Variants in PRKAR1A observed in about 807,000 individuals in gnomAD.
The protein encoded by PRKAR1A is cAMP-dependent protein kinase type I-alpha regulatory subunit.
PRKAR1A carries 3 observed loss-of-function variants against 52.0 expected under a neutral mutation model. That is an observed-to-expected ratio of 0.06 (90% CI 0.03 to 0.15). PRKAR1A has a LOEUF of 0.15. Ranked by LOEUF, PRKAR1A falls within the 10% of genes least tolerant of loss-of-function variation. The pLI, the probability that PRKAR1A is intolerant of heterozygous loss-of-function variation, is 1.00. For synonymous variants in PRKAR1A, 188 were observed against 168.4 expected (o/e 1.12, Z -0.90); for missense variants, 240 against 477.4 (o/e 0.50, Z 4.63).
the PRKAR1A span, among the ~76,000 whole-genome samples, chr17:68,418,262 T>A: frequency 6.6e-6 from 1 of 152,224 alleles, no homozygotes; most frequent in Non-Finnish European, 1.5e-5. Context: ...CTTGAACTTA[T>A]AAAGCCTTAG....
rs1448502169 is a variant in PRKAR1A at position 68,523,832 on chromosome 17, T to C, written c.440+16T>C. On this transcript the variant is annotated intron_variant, in intron 4 of 10. Coordinates refer to ENST00000589228, the MANE Select transcript of PRKAR1A (RefSeq NM_002734.5). ...ATGAGAGAAGGTAGGAACAGGCTCT[T>C]TCTTAACACTATTTTTCAAGTAAGG... The C allele has an allele frequency of 8.7e-6, 14 of 1,609,796 alleles. No individual in the cohort carries two copies. The highest frequency in any genetic ancestry group is 2.2e-5 in the South Asian group (2 of 90,952).
At chr17:68,477,982 C>G in the PRKAR1A span, among the ~76,000 whole-genome samples, 2 of 152,182 alleles carry the variant, frequency 1.3e-5, no homozygotes, top group African/African-American at 4.8e-5. Context: ...CTCAGCCTCC[C>G]AAAGTGCTGG....
At chr17:68,417,515 A>G in the PRKAR1A span, among the ~76,000 whole-genome samples, 32 of 151,944 alleles carry the variant, frequency 2.1e-4, no homozygotes, top group Admixed American at 1.8e-3. Flanking sequence ...GGAGTTTTTC[A>G]TCTCTCAGAC....
intron 6 of PRKAR1A, 146 bp downstream of exon 6, chr17:68,525,104 A>G: frequency 1.4e-6 from 1 of 689,692 alleles, no homozygotes; most frequent in South Asian, 1.8e-5. Context: ...TATTTTTATG[A>G]CACAGAGAAA....
chr17:68,546,755 G>A (rs564335219), intron 11 of PRKAR1A, among the ~76,000 whole-genome samples: 13 of 151,542 alleles, frequency 8.6e-5, no homozygotes, highest in Non-Finnish European at 1.9e-4. Flanking sequence ...GCGTGAACCC[G>A]GGAGGTGGAG....
chr17:68,509,992 G>C (rs2085241711), upstream of PRKAR1A, among the ~76,000 whole-genome samples: 1 of 152,180 alleles, frequency 6.6e-6, no homozygotes, highest in African/African-American at 2.4e-5. Context: ...CTTATTCTTA[G>C]TGTCTTAACT....
the PRKAR1A span, among the ~76,000 whole-genome samples, chr17:68,486,469 CTCTCCT>C: frequency 0.015 from 1,542 of 101,976 alleles, 53 homozygotes; most frequent in South Asian, 0.029. Flanking sequence ...TTCTTTCTTT[CTCTCCT>C]TCCTTCCTTC....
At chr17:68,450,521 G>A in the PRKAR1A span, among the ~76,000 whole-genome samples, 8 of 152,240 alleles carry the variant, frequency 5.3e-5, no homozygotes, top group African/African-American at 9.6e-5. Flanking sequence ...CTGGAAACAT[G>A]AGCCAGAGGT....
chr17:68,505,922 G>A, the PRKAR1A span, among the ~76,000 whole-genome samples: 2 of 152,184 alleles, frequency 1.3e-5, no homozygotes, highest in African/African-American at 4.8e-5. Context: ...GGGTTGATGA[G>A]GTGGTATCTG....
At chr17:68,506,832 C>T (rs1292464416), upstream of PRKAR1A, among the ~76,000 whole-genome samples, 2 of 152,114 alleles carry the variant, frequency 1.3e-5, no homozygotes, top group Admixed American at 6.6e-5. Flanking sequence ...TCTCTGCATG[C>T]CTGTTACCTA....
chr17:68,549,436 G>A (rs915465801), intron 11 of PRKAR1A, among the ~76,000 whole-genome samples: 1 of 151,694 alleles, frequency 6.6e-6, no homozygotes. Flanking sequence ...CGAGGTTGCA[G>A]TGAGCCGAGA....
At chr17:68,428,737 G>A in the PRKAR1A span, 3 of 968,172 alleles carry the variant, frequency 3.1e-6, no homozygotes, top group East Asian at 7.6e-5. Flanking sequence ...ACAAATCAAT[G>A]CAAGGGCACT....
chr17:68,426,168 A>C, the PRKAR1A span: 3 of 1,606,636 alleles, frequency 1.9e-6, no homozygotes, highest in Non-Finnish European at 2.6e-6. Context: ...CGCCGTCCTC[A>C]GAATAACCTG....
In PRKAR1A at chr17:68,524,052, C is replaced by G. The variant is rs372389205; in HGVS notation, c.477C>G (p.Ile159Met). 6.2e-7 allele frequency: 1 copy of G among 1,614,008 alleles called. No homozygotes were observed. The highest frequency in any genetic ancestry group is 2.2e-5 in the East Asian group (1 of 44,876). ...ATGCCATGTTTTCGGTCTCCTTTATCGCAGGAGAGACTGTGATTCAGCAAG... is the reference window on the plus strand; with the variant it reads ...ATGCCATGTTTTCGGTCTCCTTTATGGCAGGAGAGACTGTGATTCAGCAAG... ...IFDAMFSVSF[I>M]AGETVIQQGD... Residue 159 changes from isoleucine (I) to methionine (M), a missense_variant, in exon 5 of 11, where the codon ATC becomes ATG. Transcript: ENST00000589228.
In PRKAR1A at chr17:68,539,933, G is replaced by A. The variant is rs754613645; in HGVS notation, c.973+9932G>A. 9.9e-6 allele frequency: 16 copies of A among 1,614,212 alleles called. 1 individual carries two copies. The South Asian group carries it at 1.8e-4, about 18-fold the overall frequency. On this transcript the variant is annotated intron_variant, in intron 11 of 11. Coordinates refer to the PRKAR1A transcript ENST00000585981. ...AAGGAACCCATCATCCCCGAACTTG[G>A]TGAACATCTCATAATGGTGCCGGTC...
At chr17:68,420,208 T>C in the PRKAR1A span, 3 of 1,614,100 alleles carry the variant, frequency 1.9e-6, no homozygotes, top group Non-Finnish European at 2.5e-6. Context: ...GGGCGTGTGA[T>C]GGGAGCACGG....
chr17:68,464,640 C>T, the PRKAR1A span, among the ~76,000 whole-genome samples: 3 of 151,278 alleles, frequency 2.0e-5, no homozygotes, highest in Non-Finnish European at 2.9e-5. Context: ...GAGATCGTGC[C>T]GCCGCACACT....
the PRKAR1A span, among the ~76,000 whole-genome samples, chr17:68,486,541 CT>C: frequency 8.3e-6 from 1 of 120,630 alleles, no homozygotes; most frequent in Non-Finnish European, 1.7e-5. Flanking sequence ...TTCTTTCTTT[CT>C]TTCTTTCTTT....
chr17:68,493,351 A>C, the PRKAR1A span, among the ~76,000 whole-genome samples: 2 of 152,164 alleles, frequency 1.3e-5, no homozygotes, highest in Non-Finnish European at 2.9e-5. Flanking sequence ...TACACTTGGA[A>C]GAGGGCCAAG....
Sources: gnomAD v4.1 joint callset for allele counts (sites outside exome capture counted in the v4.1 genomes callset) on GRCh38, gnomAD v4.1.1 for gene constraint, MANE v1.5 for transcripts, NCBI Gene and HGNC (gene_info 2026-07-23, HGNC 2026-07-21) for gene names.